The following BRWD1 variants were observed in gnomAD, a reference collection of about 807,000 sequenced individuals.
The protein encoded by BRWD1 is bromodomain and WD repeat domain containing 1.
A neutral mutation model predicts 251.2 loss-of-function variants in BRWD1; 82 were observed. The observed-to-expected ratio is 0.33, with a 90% CI of 0.27 to 0.39. The LOEUF is 0.39. Among genes scored for constraint, BRWD1 ranks in the 10% least tolerant of loss-of-function variants. The pLI, the probability that BRWD1 is intolerant of heterozygous loss-of-function variation, is 1.00. For missense variants in BRWD1, 2,233 were observed against 2,711.6 expected, an observed-to-expected ratio of 0.82 and a Z score of 3.92; for synonymous variants, 918 against 902.8, an observed-to-expected ratio of 1.02 and a Z score of -0.30.
At chr21:39,307,420 T>C (rs931711808) in intron 4 of BRWD1, among the ~76,000 whole-genome samples, 1 of 152,188 alleles carries the variant, frequency 6.6e-6, no homozygotes, top group Non-Finnish European at 1.5e-5. Flanking sequence ...TGTACTTGTA[T>C]GAATATCAAT....
At chr21:39,288,169 C>CAA (rs1475296205) in intron 8 of BRWD1, among the ~76,000 whole-genome samples, 1 of 152,186 alleles carries the variant, frequency 6.6e-6, no homozygotes, top group Non-Finnish European at 1.5e-5. Context: ...AAGACCTTTC[C>CAA]ATAGGGCAGT....
chr21:39,200,495 A>ATTTTAGGAATCTGCTTTT, intron 38 of BRWD1, 109 bp from the exon 39 acceptor site: 2 of 889,330 alleles, frequency 2.2e-6, no homozygotes, highest in Non-Finnish European at 3.2e-6. Flanking sequence ...CTACAAAAGC[A>ATTTTAGGAATCTGCTTTT]GATTCCTAAA....
intron 32 of BRWD1, 141 bp from the exon 33 acceptor site, chr21:39,213,694 A>G: frequency 1.8e-6 from 1 of 543,650 alleles, no homozygotes; most frequent in Non-Finnish European, 3.2e-6. Context: ...TTTTCCCCCA[A>G]CCCTTTGTAA....
Position 39,313,600 on chromosome 21 carries a change from GCC to G in BRWD1, c.-111_-110del. 1 of 854,046 alleles carries G rather than the reference GCC, an allele frequency of 1.2e-6. No individual in the cohort carries two copies. The highest frequency in any genetic ancestry group is 1.5e-6 in the Non-Finnish European group (1 of 646,358). The allele number at this position is 854,046 out of a possible 1,614,324, so 52.9% of individuals were successfully genotyped here. ...CTCTTCTCAGGCGCGCGCCGCCGCC[GCC>G]GCCGCCGCCGCCATACCGTGCGCGC... On this transcript the variant is annotated 5_prime_UTR_variant, in exon 1 of 41. An upstream open reading frame in the 5' UTR loses its in-frame stop. Transcript: ENST00000342449.
At chr21:39,234,815 C>A (rs887369514) in intron 23 of BRWD1, among the ~76,000 whole-genome samples, 8 of 152,326 alleles carry the variant, frequency 5.3e-5, no homozygotes, top group Admixed American at 5.2e-4. Flanking sequence ...TTTAAAGACA[C>A]CTTTATACCA....
At chr21:39,216,623 A>G (rs1012508252) in intron 31 of BRWD1, 4 of 330,854 alleles carry the variant, frequency 1.2e-5, no homozygotes, top group Admixed American at 3.5e-5. Flanking sequence ...GGCCAGAAGT[A>G]TATGACTGTA....
intron 30 of BRWD1, 44 bp from the exon 31 acceptor site, chr21:39,218,316 C>T (rs1479054658): frequency 6.4e-7 from 1 of 1,565,768 alleles, no homozygotes; most frequent in Middle Eastern, 1.7e-4. Context: ...AAATCCATTG[C>T]CTCTAAGTGG....
In BRWD1 at chr21:39,210,007, G is replaced by T. The variant is rs764761929; in HGVS notation, c.4185C>A (p.Asn1395Lys). The change falls in exon 36 of 41, where the codon AAC becomes AAA. Residue 1395 changes from asparagine to lysine, a missense_variant. Coordinates refer to ENST00000342449, the MANE Select transcript of BRWD1 (RefSeq NM_033656.4). Reference protein sequence around the residue: ...IFSNAKAYTPNKRSKIYSMTL... With the variant: ...IFSNAKAYTPKKRSKIYSMTL... ...CATAAAAAATTACCTTTGATCTTTT[G>T]TTTGGTGTATACGCTTTTGCATTGC... The T allele has an allele frequency of 6.2e-7, 1 of 1,611,626 alleles. No homozygotes were observed. Among genetic ancestry groups the T allele is most frequent in the South Asian group, 1.1e-5 (1 of 90,706 alleles).
At chr21:39,293,453 A>G (rs1356157091) in intron 8 of BRWD1, among the ~76,000 whole-genome samples, 1 of 151,764 alleles carries the variant, frequency 6.6e-6, no homozygotes, top group Admixed American at 6.6e-5. Context: ...AGATCACACC[A>G]CTGCACTCCA....
Position 39,189,055 on chromosome 21 carries a change from A to G in BRWD1, c.*7204T>C. ...GGGAATTTTAAAATTATGAACTAGT[A>G]TCTCCAACAAGTCAACCCTATATCC... On this transcript the variant is annotated 3_prime_UTR_variant, in exon 41 of 41. Coordinates refer to ENST00000342449, the MANE Select transcript of BRWD1 (RefSeq NM_033656.4). The G allele has an allele frequency of 1.0e-6, 1 of 984,824 alleles. No homozygotes were observed. The highest frequency in any genetic ancestry group is 4.7e-5 in the South Asian group (1 of 21,288). 61.0% of individuals were successfully genotyped at this position (984,824 alleles called of 1,614,324 possible). A position where few individuals can be genotyped will look rare whatever the true frequency, so the allele number is the denominator to read the frequency against.
At chr21:39,225,669 A>G (rs1044241973) in intron 27 of BRWD1, among the ~76,000 whole-genome samples, 2 of 152,222 alleles carry the variant, frequency 1.3e-5, no homozygotes, top group Non-Finnish European at 2.9e-5. Flanking sequence ...AGAATATAAT[A>G]TACCTGGCAA....
At chr21:39,206,024 A>C in intron 37 of BRWD1, 84 bp downstream of exon 37, 1 of 1,342,740 alleles carries the variant, frequency 7.4e-7, no homozygotes, top group Non-Finnish European at 1.0e-6. Flanking sequence ...AGATCATGCC[A>C]CTGCACTCCA....
intron 21 of BRWD1, among the ~76,000 whole-genome samples, chr21:39,245,668 C>T (rs1268652891): frequency 4.0e-5 from 6 of 150,440 alleles, no homozygotes; most frequent in South Asian, 2.1e-4. Flanking sequence ...GGCGCAGTCT[C>T]GGCTCACTGC....
chr21:39,199,754 TG>T (rs909000820), intron 39 of BRWD1, 92 bp from the exon 40 acceptor site: 4 of 1,263,728 alleles, frequency 3.2e-6, no homozygotes, highest in African/African-American at 1.5e-5. Context: ...TTCACTTTTT[TG>T]GGGGGCGGGG....
chr21:39,239,761 C>G (rs114432095), intron 21 of BRWD1, among the ~76,000 whole-genome samples: 2,105 of 152,212 alleles, frequency 0.014, 47 homozygotes, highest in African/African-American at 0.048. Flanking sequence ...AATTTTTTAA[C>G]AAGGGTGTGG....
chr21:39,194,123 T>C lies in BRWD1; in HGVS notation c.*2136A>G, dbSNP rs566598402. 1 of 985,354 alleles carries C rather than the reference T, an allele frequency of 1.0e-6. No homozygotes were observed. The highest frequency in any genetic ancestry group is 1.1e-4 in the East Asian group (1 of 8,816). 61.0% of individuals were successfully genotyped at this position (985,354 alleles called of 1,614,324 possible). A position where few individuals can be genotyped will look rare whatever the true frequency, so the allele number is the denominator to read the frequency against. On this transcript the variant is annotated 3_prime_UTR_variant, in exon 41 of 41. Coordinates refer to ENST00000342449, the MANE Select transcript of BRWD1 (RefSeq NM_033656.4). ...TATTTTGGACTGAAAGAAAAAATGG[T>C]AATTGGATGGCCAGTCAATGACCAA...
intron 20 of BRWD1, among the ~76,000 whole-genome samples, chr21:39,250,568 G>C (rs1196903622): frequency 6.7e-6 from 1 of 149,432 alleles, no homozygotes; most frequent in Non-Finnish European, 1.5e-5. Flanking sequence ...CTAAAATTAA[G>C]AACTCAATAC....
chr21:39,224,954 T>G (rs1248763453), intron 28 of BRWD1, 132 bp downstream of exon 28: 3 of 665,598 alleles, frequency 4.5e-6, no homozygotes, highest in Non-Finnish European at 7.8e-6. Context: ...TGAGAGACAT[T>G]TCGGGTCAGC....
intron 4 of BRWD1, among the ~76,000 whole-genome samples, chr21:39,300,685 T>G (rs2036085942): frequency 6.6e-6 from 1 of 151,890 alleles, no homozygotes; most frequent in Non-Finnish European, 1.5e-5. Flanking sequence ...ACAGCATACC[T>G]CAAAAAAATG....
Sources: allele counts gnomAD v4.1 joint callset (sites outside exome capture counted in the v4.1 genomes callset), GRCh38; gene constraint gnomAD v4.1.1; transcripts MANE v1.5; gene names NCBI Gene and HGNC (gene_info 2026-07-23, HGNC 2026-07-21).